Variants in GGACT observed in about 807,000 individuals in gnomAD.
GGACT encodes the protein gamma-glutamylamine cyclotransferase, also known as gamma-glutamylaminecyclotransferase.
For missense variants in GGACT, 241 were observed against 233.2 expected (o/e 1.03, Z -0.22); for synonymous variants, 118 against 115.3 (o/e 1.02, Z -0.15).
chr13:100,569,123 C>T (rs990499632), intron 2 of GGACT, among the ~76,000 whole-genome samples: 8 of 152,240 alleles, frequency 5.3e-5, no homozygotes, highest in Non-Finnish European at 8.8e-5. Context: ...CGGTGCAAGC[C>T]ATTGGTGGTT....
At chr13:100,544,483 C>A (rs544022279) in intron 2 of GGACT, among the ~76,000 whole-genome samples, 12 of 152,256 alleles carry the variant, frequency 7.9e-5, no homozygotes, top group Non-Finnish European at 1.6e-4. Flanking sequence ...ACCAGCCCCA[C>A]TGCATACCCC....
rs2088425329 is a variant in GGACT at position 100,532,523 on chromosome 13, G to A, written c.69C>T (p.Gly23=). The A allele has an allele frequency of 6.5e-7, 1 of 1,548,144 alleles. No homozygotes were observed. The highest frequency in any genetic ancestry group is 1.4e-5 in the African/African-American group (1 of 72,992). The change falls in exon 3 of 3, where the codon GGC becomes GGT. Residue 23 remains glycine, a synonymous_variant. Transcript: ENST00000683975. ...CCCGAAAGGCTGCGGAGCCGTGGGC[G>A]CCGTCCCGCAGGACCCTGTGGTTGG... ...GQPNHRVLRD[G]AHGSAAFRAR...
At chr13:100,543,679 G>C (rs763642740) in intron 2 of GGACT, among the ~76,000 whole-genome samples, 12 of 152,196 alleles carry the variant, frequency 7.9e-5, no homozygotes, top group Admixed American at 6.5e-5. Context: ...CATACTGCCA[G>C]TTGGCAAGTT....
At chr13:100,566,189 C>T (rs1874867437) in intron 2 of GGACT, among the ~76,000 whole-genome samples, 2 of 152,242 alleles carry the variant, frequency 1.3e-5, no homozygotes, top group South Asian at 4.1e-4. Context: ...AGCTAAGCCA[C>T]TCTTAGATCC....
chr13:100,568,035 G>T (rs578039697), intron 2 of GGACT, among the ~76,000 whole-genome samples: 76 of 152,266 alleles, frequency 5.0e-4, no homozygotes, highest in Non-Finnish European at 9.0e-4. Flanking sequence ...ATTGAATCGG[G>T]TTCCTTTTCA....
intron 2 of GGACT, among the ~76,000 whole-genome samples, chr13:100,543,062 C>G (rs1166763748): frequency 6.6e-6 from 1 of 152,100 alleles, no homozygotes; most frequent in Non-Finnish European, 1.5e-5. Context: ...TGATAGTTTA[C>G]AAATCACAAC....
rs116579539 is a variant in GGACT, at chr13:100,560,553, G to A, written c.-11+23272C>T. ...GGGAATGGACAGGGAGTGAGCATCC[G>A]TGGGAGCTGTGTGGCCCTCCCAGGC... On this transcript the variant is annotated intron_variant, in intron 2 of 2. Transcript: ENST00000683975. Among the ~76,000 whole-genome samples the A allele has an allele frequency of 2.9e-3, 439 of 152,320 alleles. 1 individual carries two copies. The highest frequency in any genetic ancestry group is 9.7e-3 in the African/African-American group (405 of 41,588).
chr13:100,567,853 G>A (rs1874949382), intron 2 of GGACT, among the ~76,000 whole-genome samples: 1 of 152,214 alleles, frequency 6.6e-6, no homozygotes, highest in African/African-American at 2.4e-5. Flanking sequence ...CCACTAGCCT[G>A]AATGCAGTTA....
At chr13:100,540,722 T>G (rs2088544856) in intron 2 of GGACT, among the ~76,000 whole-genome samples, 1 of 152,240 alleles carries the variant, frequency 6.6e-6, no homozygotes, top group Non-Finnish European at 1.5e-5. Context: ...GTTCCTTGTC[T>G]CTCATGTTCA....
intron 2 of GGACT, chr13:100,537,203 C>T (rs191758248): frequency 3.9e-5 from 6 of 152,488 alleles, no homozygotes; most frequent in Admixed American, 3.3e-4. Flanking sequence ...CTTGCTGCAC[C>T]GCCAGCCCTA....
intron 2 of GGACT, among the ~76,000 whole-genome samples, chr13:100,568,905 A>T (rs1874992603): frequency 6.6e-6 from 1 of 152,278 alleles, no homozygotes. Flanking sequence ...GCCCCATGCA[A>T]GTCTGAAATC....
At chr13:100,563,668 C>T (rs2088785244) in intron 2 of GGACT, among the ~76,000 whole-genome samples, 2 of 152,046 alleles carry the variant, frequency 1.3e-5, no homozygotes, top group South Asian at 4.2e-4. Flanking sequence ...ATTAATTAAA[C>T]TAAACTTTAA....
intron 2 of GGACT, among the ~76,000 whole-genome samples, chr13:100,558,669 C>T (rs1042633061): frequency 2.0e-5 from 3 of 152,166 alleles, no homozygotes; most frequent in African/African-American, 7.2e-5. Context: ...TAAATGAACT[C>T]ATATATCCAC....
In GGACT at chr13:100,530,425, A is replaced by G; in HGVS notation, c.*1705T>C. ...CAAAATTAAATCAATAAAACTGAGC[A>G]TTTGTCTAAATATTAGTTTGCCCTT... On this transcript the variant is annotated 3_prime_UTR_variant, in exon 3 of 3. Coordinates refer to ENST00000683975, the MANE Select transcript of GGACT (RefSeq NM_001195087.2). 1.8e-6 allele frequency: 1 copy of G among 566,054 alleles called. No homozygotes were observed. The highest frequency in any genetic ancestry group is 3.2e-6 in the Non-Finnish European group (1 of 315,690). The allele number at this position is 566,054 out of a possible 1,614,324, so 35.1% of individuals were successfully genotyped here. A position where few individuals can be genotyped will look rare whatever the true frequency, so the allele number is the denominator to read the frequency against.
At chr13:100,569,037 G>A (rs554576639) in intron 2 of GGACT, among the ~76,000 whole-genome samples, 1 of 152,368 alleles carries the variant, frequency 6.6e-6, no homozygotes, top group Non-Finnish European at 1.5e-5. Context: ...CCGCCCCTAT[G>A]GCTTTGCAGG....
intron 1 of GGACT, among the ~76,000 whole-genome samples, chr13:100,588,153 C>T (rs1435901271): frequency 6.6e-6 from 1 of 152,176 alleles, no homozygotes; most frequent in East Asian, 1.9e-4. Context: ...TGGCGTTGTC[C>T]TTGGCCCACA....
At chr13:100,535,224 T>C (rs1237774494) in intron 2 of GGACT, among the ~76,000 whole-genome samples, 8 of 152,250 alleles carry the variant, frequency 5.3e-5, no homozygotes, top group Non-Finnish European at 1.2e-4. Context: ...GTGTCCAAAA[T>C]GTCAATAGAT....
intron 2 of GGACT, among the ~76,000 whole-genome samples, chr13:100,554,890 C>T (rs376100952): frequency 5.3e-5 from 8 of 152,148 alleles, no homozygotes; most frequent in Middle Eastern, 3.4e-3. Context: ...ATAAAACAAA[C>T]GTTAAAAGGA....
intron 2 of GGACT, among the ~76,000 whole-genome samples, chr13:100,575,560 G>A (rs1244830690): frequency 6.6e-6 from 1 of 152,136 alleles, no homozygotes; most frequent in Admixed American, 6.6e-5. Flanking sequence ...AAAAAACTAT[G>A]ATGGGATCAG....
Sources: gnomAD v4.1 joint callset for allele counts (sites outside exome capture counted in the v4.1 genomes callset) on GRCh38, gnomAD v4.1.1 for gene constraint, MANE v1.5 for transcripts, NCBI Gene and HGNC (gene_info 2026-07-23, HGNC 2026-07-21) for gene names.